The following ERBIN variants were observed in gnomAD, a reference collection of about 807,000 sequenced individuals.
ERBIN encodes erbb2 interacting protein.
ERBIN carries 60 observed loss-of-function variants against 158.4 expected under a neutral mutation model. That is an observed-to-expected ratio of 0.38 (90% confidence interval 0.31 to 0.47). The LOEUF (loss-of-function observed/expected upper bound fraction) is 0.47. ERBIN is among the 20% of genes least tolerant of loss of function. The pLI, the probability that ERBIN is intolerant of heterozygous loss-of-function variation, is 0.99. For synonymous variants in ERBIN, 594 were observed against 557.2 expected (o/e 1.07, Z -0.93); for missense variants, 1,610 against 1,648.0 (o/e 0.98, Z 0.40).
In ERBIN at chr5:66,076,856, AT is replaced by A. The variant is rs749445149; in HGVS notation, c.4057-11del. ...TATACATACTGTTTTTAGTTAAATA[AT>A]TTTTTTTGTTGTTAAAGGGTATATT... On this transcript the variant is annotated intron_variant, in intron 24 of 25. Coordinates refer to ENST00000284037, the MANE Select transcript of ERBIN (RefSeq NM_001253697.2). 139 of 1,569,332 alleles carry A rather than the reference AT, an allele frequency of 8.9e-5. No homozygotes were observed. The highest frequency in any genetic ancestry group is 1.8e-4 in the Middle Eastern group (1 of 5,666).
At chr5:65,961,389 T>C (rs1747893955) in intron 1 of ERBIN, 2 of 152,214 alleles carry the variant, frequency 1.3e-5, no homozygotes, top group African/African-American at 4.8e-5. Flanking sequence ...AGAGTTAATA[T>C]TTGTAAATTA....
At chr5:66,009,801 A>C (rs147689481) in intron 4 of ERBIN, among the ~76,000 whole-genome samples, 17 of 152,328 alleles carry the variant, frequency 1.1e-4, no homozygotes, top group Non-Finnish European at 2.1e-4. Context: ...TTTTATTAAA[A>C]ATGACTTTTT....
intron 21 of ERBIN, among the ~76,000 whole-genome samples, chr5:66,063,508 C>G (rs1046256521): frequency 2.0e-5 from 3 of 152,114 alleles, no homozygotes; most frequent in Non-Finnish European, 4.4e-5. Flanking sequence ...GATGCCTCAC[C>G]CTGCTTCGGC....
At chr5:65,963,473 CTG>C (rs1305400889) in intron 1 of ERBIN, among the ~76,000 whole-genome samples, 2 of 152,068 alleles carry the variant, frequency 1.3e-5, no homozygotes. Context: ...TGGCAGGTGC[CTG>C]TAATCCCAGC....
intron 1 of ERBIN, among the ~76,000 whole-genome samples, chr5:65,957,859 A>C (rs1381211531): frequency 6.7e-6 from 1 of 148,646 alleles, no homozygotes; most frequent in Admixed American, 6.7e-5. Context: ...CACTTCTCAG[A>C]CGGGGCGGCT....
chr5:65,946,612 T>A (rs563196238), intron 1 of ERBIN, among the ~76,000 whole-genome samples: 5 of 152,338 alleles, frequency 3.3e-5, no homozygotes, highest in African/African-American at 4.8e-5. Flanking sequence ...GTAGAGGTTT[T>A]TCTGTGAACA....
intron 16 of ERBIN, 113 bp downstream of exon 16, chr5:66,043,311 T>C (rs1181494587): frequency 1.9e-6 from 2 of 1,051,850 alleles, no homozygotes; most frequent in East Asian, 2.6e-5. Context: ...TTATTCCTTG[T>C]CCTCAAGGCA....
intron 1 of ERBIN, among the ~76,000 whole-genome samples, chr5:65,954,389 A>ATGAGAGTAACAGG (rs1334776272): frequency 4.6e-5 from 7 of 152,306 alleles, no homozygotes; most frequent in Non-Finnish European, 1.0e-4. Context: ...TGTGCAAGAG[A>ATGAGAGTAACAGG]TGAGAGTAAC....
intron 3 of ERBIN, among the ~76,000 whole-genome samples, chr5:65,993,251 T>G (rs540461076): frequency 6.6e-6 from 1 of 152,362 alleles, no homozygotes. Context: ...TTTCCTACTT[T>G]TCATAAGACA....
intron 14 of ERBIN, among the ~76,000 whole-genome samples, 187 bp from the exon 15 acceptor site, chr5:66,038,196 G>A (rs1757578684): frequency 6.6e-6 from 1 of 152,102 alleles, no homozygotes; most frequent in East Asian, 1.9e-4. Flanking sequence ...TTTTAATATG[G>A]TTTCAAATCA....
At chr5:65,934,023 A>G (rs1042760652) in intron 1 of ERBIN, among the ~76,000 whole-genome samples, 5 of 152,074 alleles carry the variant, frequency 3.3e-5, no homozygotes, top group Admixed American at 1.3e-4. Flanking sequence ...CAGCCTCCCA[A>G]GTAGCTGAGA....
chr5:66,071,988 T>C (rs1184443944), intron 21 of ERBIN, among the ~76,000 whole-genome samples, 181 bp from the exon 22 acceptor site: 1 of 152,196 alleles, frequency 6.6e-6, no homozygotes. Context: ...TATCTTGCTA[T>C]GTACCTTTGG....
intron 1 of ERBIN, among the ~76,000 whole-genome samples, chr5:65,985,770 C>T (rs1751158721): frequency 1.3e-5 from 2 of 152,132 alleles, no homozygotes; most frequent in Admixed American, 6.6e-5. Context: ...CCTGAGTTGT[C>T]GATTCTAGTT....
intron 1 of ERBIN, among the ~76,000 whole-genome samples, chr5:65,931,130 G>A (rs1266192365): frequency 6.6e-6 from 1 of 152,254 alleles, no homozygotes; most frequent in Admixed American, 6.5e-5. Context: ...CATATTGAAT[G>A]TAGTAGAAAA....
chr5:66,022,395 A>G (rs1394419213), intron 8 of ERBIN, among the ~76,000 whole-genome samples: 1 of 152,252 alleles, frequency 6.6e-6, no homozygotes, highest in Non-Finnish European at 1.5e-5. Flanking sequence ...AACTTACAGT[A>G]GAATTTAACA....
intron 1 of ERBIN, among the ~76,000 whole-genome samples, chr5:65,942,498 T>TA (rs1745177056): frequency 2.0e-5 from 3 of 152,234 alleles, no homozygotes; most frequent in Non-Finnish European, 2.9e-5. Flanking sequence ...AGATGATTAT[T>TA]TTTTTAGTTT....
At chr5:65,936,100 G>A (rs1277023926) in intron 1 of ERBIN, among the ~76,000 whole-genome samples, 1 of 151,890 alleles carries the variant, frequency 6.6e-6, no homozygotes, top group Non-Finnish European at 1.5e-5. Flanking sequence ...TGGTGTTCTT[G>A]GAATTTCACA....
chr5:65,940,222 G>A (rs1255775491), intron 1 of ERBIN, among the ~76,000 whole-genome samples: 1 of 150,822 alleles, frequency 6.6e-6, no homozygotes, highest in African/African-American at 2.5e-5. Flanking sequence ...TGTGAGGAGC[G>A]CCTCTACCCG....
chr5:66,017,449 C>T (rs1176538927), intron 7 of ERBIN, among the ~76,000 whole-genome samples: 1 of 151,408 alleles, frequency 6.6e-6, no homozygotes, highest in Non-Finnish European at 1.5e-5. Flanking sequence ...TTTTCATATG[C>T]CTGTTTGTCA....
Sources: gnomAD v4.1 joint callset for allele counts (sites outside exome capture counted in the v4.1 genomes callset) on GRCh38, gnomAD v4.1.1 for gene constraint, MANE v1.5 for transcripts, NCBI Gene and HGNC (gene_info 2026-07-23, HGNC 2026-07-21) for gene names.